Variants in ETFDH observed in about 807,000 individuals in gnomAD.
The protein encoded by ETFDH is electron transfer flavoprotein-ubiquinone oxidoreductase, mitochondrial.
ETFDH carries 61 observed loss-of-function variants against 73.2 expected under a neutral mutation model. The observed-to-expected ratio is 0.83, with a 90% CI of 0.68 to 1.03. The LOEUF is 1.03. Ranked by LOEUF, ETFDH falls within the 50% of genes least tolerant of loss-of-function variation. The pLI, the probability that ETFDH is intolerant of heterozygous loss-of-function variation, is 0.00. For synonymous variants in ETFDH, 243 were observed against 253.3 expected (o/e 0.96, Z 0.39); for missense variants, 685 against 745.0 (o/e 0.92, Z 0.94).
chr4:158,680,333 C>A, intron 1 of ETFDH, 134 bp from the exon 2 acceptor site: 1 of 621,654 alleles, frequency 1.6e-6, no homozygotes, highest in Non-Finnish European at 2.9e-6. Flanking sequence ...AAAAGCTATT[C>A]AAAGTGTTCA....
chr4:158,698,522 A>T (rs1445019069), intron 8 of ETFDH, among the ~76,000 whole-genome samples: 1 of 151,864 alleles, frequency 6.6e-6, no homozygotes, highest in African/African-American at 2.4e-5. Flanking sequence ...TTTTTGCCCC[A>T]GTTGTACTGT....
intron 3 of ETFDH, among the ~76,000 whole-genome samples, chr4:158,683,298 C>T (rs1437901337): frequency 6.6e-6 from 1 of 152,116 alleles, no homozygotes; most frequent in Admixed American, 6.5e-5. Context: ...TTATACCTGT[C>T]CTACCTCCTA....
intron 10 of ETFDH, among the ~76,000 whole-genome samples, chr4:158,704,009 G>C (rs1283264729): frequency 6.6e-6 from 1 of 152,204 alleles, no homozygotes; most frequent in Non-Finnish European, 1.5e-5. Context: ...TGAGGCAGAA[G>C]AATCACTTGA....
chr4:158,708,761 T>A lies in ETFDH; in HGVS notation c.*234T>A, dbSNP rs374461966. ...TCCTACCTCTTCAGTTCTTCAGAGA[T>A]TCAGTACCAAGAGCAAAATTCACTA... On this transcript the variant is annotated 3_prime_UTR_variant, in exon 13 of 13. Coordinates refer to ENST00000511912, the MANE Select transcript of ETFDH (RefSeq NM_004453.4). The A allele has an allele frequency of 3.2e-5, 15 of 466,392 alleles. 1 individual carries two copies. Among genetic ancestry groups the A allele is most frequent in the Middle Eastern group, 6.1e-4 (1 of 1,644 alleles). The allele number at this position is 466,392 out of a possible 1,614,324, so 28.9% of individuals were successfully genotyped here. A position where few individuals can be genotyped will look rare whatever the true frequency, so the allele number is the denominator to read the frequency against.
intron 9 of ETFDH, 98 bp downstream of exon 9, chr4:158,699,228 G>A (rs1327158591): frequency 7.8e-6 from 8 of 1,026,490 alleles, no homozygotes; most frequent in South Asian, 2.7e-5. Flanking sequence ...AAACAATATT[G>A]GAATAGGAAA....
intron 10 of ETFDH, among the ~76,000 whole-genome samples, chr4:158,704,426 A>G (rs1439140079): frequency 1.3e-5 from 2 of 152,190 alleles, no homozygotes; most frequent in Non-Finnish European, 2.9e-5. Flanking sequence ...GAACATGCCA[A>G]GCACTCCCAC....
intron 9 of ETFDH, 112 bp from the exon 10 acceptor site, chr4:158,703,311 A>AT: frequency 1.3e-6 from 1 of 783,844 alleles, no homozygotes. Flanking sequence ...TCATGTATTT[A>AT]TTTTTCAGCC....
At position 158,695,646 on chromosome 4, in the gene ETFDH, A is replaced by G. The variant is rs1426349276; in HGVS notation, c.831+3A>G. The G allele has an allele frequency of 6.2e-7, 1 of 1,603,130 alleles. No homozygotes were observed. The highest frequency in any genetic ancestry group is 8.5e-7 in the Non-Finnish European group (1 of 1,170,296). On this transcript the variant is annotated splice_donor_region_variant and intron_variant, in intron 7 of 12. Coordinates refer to ENST00000511912, the MANE Select transcript of ETFDH (RefSeq NM_004453.4). ...CCTACGGGATTGGACTGAAGGAGGTATCCTGGTTTGTTTCTGTAATTTTAA... is the reference window on the plus strand; with the variant it reads ...CCTACGGGATTGGACTGAAGGAGGTGTCCTGGTTTGTTTCTGTAATTTTAA...
At chr4:158,705,270 T>G (rs1488810451) in intron 10 of ETFDH, among the ~76,000 whole-genome samples, 1 of 152,190 alleles carries the variant, frequency 6.6e-6, no homozygotes, top group African/African-American at 2.4e-5. Context: ...CAATCCTTGG[T>G]CTCTGCAATC....
chr4:158,704,413 C>G (rs993750234), intron 10 of ETFDH, among the ~76,000 whole-genome samples: 9 of 152,114 alleles, frequency 5.9e-5, no homozygotes, highest in Admixed American at 5.9e-4. Flanking sequence ...TTTACAGTTC[C>G]CAGAACATGC....
intron 2 of ETFDH, 156 bp from the exon 3 acceptor site, chr4:158,682,039 C>T (rs1773872173): frequency 3.2e-6 from 3 of 923,762 alleles, no homozygotes; most frequent in Admixed American, 4.2e-5. Context: ...TATAATCATA[C>T]TAATACAGTA....
chr4:158,676,948 ATATAAGTCCAT>A (rs1478394315), intron 1 of ETFDH, among the ~76,000 whole-genome samples: 3 of 152,246 alleles, frequency 2.0e-5, no homozygotes, highest in African/African-American at 7.2e-5. Context: ...TGTATTCTAA[ATATAAGTCCAT>A]TATCGGATAT....
rs1774613524 is a variant in ETFDH at position 158,706,308 on chromosome 4, A to G, written c.1405A>G (p.Ile469Val). The change falls in exon 11 of 13, where the codon ATT (isoleucine) becomes GTT (valine). Residue 469 changes from isoleucine to valine, a missense_variant. This residue lies in a region of ETFDH where 201 missense variants were observed against 225.2 expected (regional missense o/e 0.89). Transcript: ENST00000511912. The stretch of plus-strand genomic sequence containing the variant: ...AGTACTGGGTGTATATGGAGGGATG[A>G]TTTACACTGGAATCTTTTACTGGAT... ...HGVLGVYGGM[I>V]YTGIFYWILR... 6.2e-7 allele frequency: 1 copy of G among 1,613,484 alleles called. No individual in the cohort carries two copies. Among genetic ancestry groups the G allele is most frequent in the Non-Finnish European group, 8.5e-7 (1 of 1,179,410 alleles).
chr4:158,706,337 G>A lies in ETFDH; in HGVS notation c.1434G>A (p.Leu478=). 6.2e-7 allele frequency: 1 copy of A among 1,613,630 alleles called. No individual in the cohort carries two copies. The highest frequency in any genetic ancestry group is 8.5e-7 in the Non-Finnish European group (1 of 1,179,548). Residue 478 remains leucine, a synonymous_variant, in exon 11 of 13, where the codon TTG becomes TTA. Transcript: ENST00000511912. ...ACACTGGAATCTTTTACTGGATATTGAGAGGAATGGAGCCGTGGACTCTGA... is the reference window on the plus strand; with the variant it reads ...ACACTGGAATCTTTTACTGGATATTAAGAGGAATGGAGCCGTGGACTCTGA... ...MIYTGIFYWI[L]RGMEPWTLKH...
At chr4:158,703,641 G>C (rs780399525) in intron 10 of ETFDH, 50 bp downstream of exon 10, 2 of 1,111,274 alleles carry the variant, frequency 1.8e-6, no homozygotes, top group Admixed American at 1.7e-5. Context: ...TGGGTTATGT[G>C]TATTTCAATT....
In ETFDH at chr4:158,682,408, A is replaced by G; in HGVS notation, c.389A>G (p.Asp130Gly). Reference sequence around the variant, plus strand: ...GGTGCTTTTAAAGAACTCTTCCCAGACTGGAAAGAGAAGGGGGTATGAAAA... The same window carrying G: ...GGTGCTTTTAAAGAACTCTTCCCAGGCTGGAAAGAGAAGGGGGTATGAAAA... ...DPGAFKELFP[D>G]WKEKGAPLNT... The change falls in exon 3 of 13, where the codon GAC becomes GGC. Residue 130 changes from aspartate (D) to glycine (G), a missense_variant. Transcript: ENST00000511912. 1 of 1,613,180 alleles carries G rather than the reference A, an allele frequency of 6.2e-7. No individual in the cohort carries two copies. The highest frequency in any genetic ancestry group is 8.5e-7 in the Non-Finnish European group (1 of 1,179,134).
At chr4:158,686,072 C>CT (rs1415003567) in intron 5 of ETFDH, among the ~76,000 whole-genome samples, 1 of 152,036 alleles carries the variant, frequency 6.6e-6, no homozygotes, top group African/African-American at 2.4e-5. Context: ...CAGGTCCAGT[C>CT]TTAAGGTAGA....
chr4:158,677,642 G>A lies in ETFDH; in HGVS notation c.35-2825G>A, dbSNP rs28873087. 8.3e-3 allele frequency among the ~76,000 whole-genome samples: 1,258 copies of A among 152,338 alleles called. 19 individuals carry two copies. Among genetic ancestry groups the A allele is most frequent in the African/African-American group, 0.028 (1,182 of 41,580 alleles). On this transcript the variant is annotated intron_variant, in intron 1 of 12. Coordinates refer to ENST00000511912, the MANE Select transcript of ETFDH (RefSeq NM_004453.4). ...GATTTCCTCTAGGGCCTGTTGTCAT[G>A]TGATGTTATACCAGAGTCAGGTTGG...
At chr4:158,675,952 G>A (rs1165850961) in intron 1 of ETFDH, among the ~76,000 whole-genome samples, 1 of 152,164 alleles carries the variant, frequency 6.6e-6, no homozygotes, top group Non-Finnish European at 1.5e-5. Context: ...CCCCAGGAGT[G>A]TATGAAGGTT....
Sources: gnomAD v4.1 joint callset for allele counts (sites outside exome capture counted in the v4.1 genomes callset) on GRCh38, gnomAD v4.1.1 for gene constraint, gnomAD v4.1.1 regional missense constraint, MANE v1.5 for transcripts, NCBI Gene and HGNC (gene_info 2026-07-23, HGNC 2026-07-21) for gene names.